The following KSR2 variants were observed in gnomAD, a reference collection of about 807,000 sequenced individuals.
The protein encoded by KSR2 is kinase suppressor of ras 2.
A neutral mutation model predicts 107.8 loss-of-function variants in KSR2; 25 were observed. The observed-to-expected ratio is 0.23, with a 90% CI of 0.17 to 0.32. The LOEUF is 0.32. Ranked by LOEUF, KSR2 falls within the 10% of genes least tolerant of loss-of-function variation. The pLI is 1.00. For missense variants in KSR2, 887 were observed against 1,268.9 expected, an observed-to-expected ratio of 0.70 and a Z score of 4.57; for synonymous variants, 480 against 507.0, an observed-to-expected ratio of 0.95 and a Z score of 0.71.
intron 4 of KSR2, among the ~76,000 whole-genome samples, chr12:117,729,437 A>T (rs936530932): frequency 2.0e-5 from 3 of 152,122 alleles, no homozygotes; most frequent in African/African-American, 7.2e-5. Flanking sequence ...TGTCGAAAGG[A>T]ATGATAAAGA....
intron 4 of KSR2, among the ~76,000 whole-genome samples, chr12:117,669,341 T>C (rs193102019): frequency 1.5e-4 from 23 of 152,316 alleles, no homozygotes; most frequent in Non-Finnish European, 2.8e-4. Flanking sequence ...CAATGTATAC[T>C]GAAGGCTGAG....
chr12:117,879,364 A>G (rs2137315051), intron 1 of KSR2, among the ~76,000 whole-genome samples: 1 of 152,330 alleles, frequency 6.6e-6, no homozygotes, highest in East Asian at 1.9e-4. Flanking sequence ...TTAAATTGAA[A>G]TTCTATTCAA....
At chr12:117,803,609 A>T (rs1443259691) in intron 3 of KSR2, among the ~76,000 whole-genome samples, 1 of 152,186 alleles carries the variant, frequency 6.6e-6, no homozygotes, top group African/African-American at 2.4e-5. Context: ...AGGCTGAGGC[A>T]GGAGAATGGC....
chr12:117,754,121 G>C (rs1888705622), intron 4 of KSR2, among the ~76,000 whole-genome samples: 1 of 152,076 alleles, frequency 6.6e-6, no homozygotes, highest in Non-Finnish European at 1.5e-5. Flanking sequence ...GCTTTGATTA[G>C]ACTAATCATA....
intron 3 of KSR2, among the ~76,000 whole-genome samples, chr12:117,849,023 A>C (rs1316966428): frequency 4.6e-5 from 7 of 152,212 alleles, no homozygotes; most frequent in Non-Finnish European, 7.3e-5. Context: ...ATCCACAATC[A>C]CACAGCTAAT....
chr12:117,597,236 A>T (rs1880700563), intron 5 of KSR2, among the ~76,000 whole-genome samples: 1 of 152,214 alleles, frequency 6.6e-6, no homozygotes, highest in South Asian at 2.1e-4. Flanking sequence ...ATAATGCCCC[A>T]GCCCCGCCAA....
chr12:117,834,364 A>T (rs1288858487), intron 3 of KSR2, among the ~76,000 whole-genome samples: 1 of 142,636 alleles, frequency 7.0e-6, no homozygotes, highest in Non-Finnish European at 1.5e-5. Flanking sequence ...AGGGCACCGT[A>T]TGTTACTGAC....
intron 14 of KSR2, among the ~76,000 whole-genome samples, chr12:117,501,916 C>T (rs560961056): frequency 1.3e-5 from 2 of 152,332 alleles, no homozygotes; most frequent in South Asian, 4.1e-4. Flanking sequence ...CAGGCAGCTC[C>T]TGGACATTAA....
At chr12:117,478,093 A>G (rs1045824835) in intron 16 of KSR2, among the ~76,000 whole-genome samples, 2 of 152,154 alleles carry the variant, frequency 1.3e-5, no homozygotes, top group Admixed American at 6.5e-5. Flanking sequence ...GAGGGGGTGC[A>G]TATCTCGAAT....
At chr12:117,661,010 A>G (rs1282076221) in intron 5 of KSR2, among the ~76,000 whole-genome samples, 1 of 152,218 alleles carries the variant, frequency 6.6e-6, no homozygotes, top group Non-Finnish European at 1.5e-5. Context: ...CACACAGTGG[A>G]GTTGTCTATA....
chr12:117,635,458 A>G (rs1883021954), intron 5 of KSR2, among the ~76,000 whole-genome samples: 1 of 152,212 alleles, frequency 6.6e-6, no homozygotes, highest in Non-Finnish European at 1.5e-5. Flanking sequence ...AAAATAACAA[A>G]GATTGCCAGT....
At chr12:117,744,306 C>T (rs545421195) in intron 4 of KSR2, among the ~76,000 whole-genome samples, 1 of 152,278 alleles carries the variant, frequency 6.6e-6, no homozygotes, top group East Asian at 1.9e-4. Flanking sequence ...CAGGCCCACC[C>T]TATGTATTAA....
At chr12:117,563,952 C>T (rs563820394) in intron 7 of KSR2, among the ~76,000 whole-genome samples, 1 of 152,286 alleles carries the variant, frequency 6.6e-6, no homozygotes, top group South Asian at 2.1e-4. Flanking sequence ...ACCACTTGCC[C>T]TCACATCCTT....
At chr12:117,658,303 G>T (rs568987041) in intron 5 of KSR2, among the ~76,000 whole-genome samples, 21 of 152,314 alleles carry the variant, frequency 1.4e-4, no homozygotes, top group African/African-American at 5.1e-4. Flanking sequence ...GATTGGATTT[G>T]GGTCAAAGTG....
chr12:117,526,071 C>A (rs981484377), intron 13 of KSR2, among the ~76,000 whole-genome samples: 5 of 152,278 alleles, frequency 3.3e-5, no homozygotes, highest in Non-Finnish European at 7.4e-5. Context: ...TTTGTACAGA[C>A]CTGACCATCT....
At chr12:117,890,515 A>C (rs1233163442) in intron 1 of KSR2, among the ~76,000 whole-genome samples, 1 of 152,354 alleles carries the variant, frequency 6.6e-6, no homozygotes. Context: ...TTAGAAGTCT[A>C]GTCTTTTTAA....
intron 13 of KSR2, among the ~76,000 whole-genome samples, chr12:117,525,677 G>A (rs1875090259): frequency 6.6e-6 from 1 of 152,228 alleles, no homozygotes; most frequent in African/African-American, 2.4e-5. Flanking sequence ...CTGTTTACGT[G>A]CATGTGATAA....
At chr12:117,568,519 G>A (rs1299184621) in intron 7 of KSR2, among the ~76,000 whole-genome samples, 4 of 152,016 alleles carry the variant, frequency 2.6e-5, no homozygotes, top group Non-Finnish European at 5.9e-5. Flanking sequence ...AGCGATCAGT[G>A]GGTTTGAGTA....
chr12:117,834,612 C>T (rs1334062279), intron 3 of KSR2, among the ~76,000 whole-genome samples: 1 of 152,162 alleles, frequency 6.6e-6, no homozygotes, highest in East Asian at 1.9e-4. Flanking sequence ...GGTTTATTCT[C>T]CTAGAAAACT....
Sources: allele counts gnomAD v4.1 joint callset (sites outside exome capture counted in the v4.1 genomes callset), GRCh38; gene constraint gnomAD v4.1.1; transcripts MANE v1.5; gene names NCBI Gene and HGNC (gene_info 2026-07-23, HGNC 2026-07-21).